The following GRM8 variants were observed in gnomAD, a reference collection of about 807,000 sequenced individuals.
GRM8 encodes the protein glutamate metabotropic receptor 8, also known as metabotropic glutamate receptor 8.
In GRM8, 47 loss-of-function variants were observed where a neutral mutation model predicts 87.2. The observed-to-expected ratio is 0.54, with a 90% CI of 0.43 to 0.69. GRM8 has a LOEUF of 0.69. GRM8 is among the 30% of genes least tolerant of loss of function. The probability of loss-of-function intolerance (pLI) is 0.00; values close to 1 mark genes in which losing one functional copy is unlikely to be tolerated. For synonymous variants in GRM8, 396 were observed against 404.5 expected (o/e 0.98, Z 0.25); for missense variants, 1,019 against 1,139.2 (o/e 0.89, Z 1.52).
At chr7:127,119,364 T>C (rs1383246523) in intron 2 of GRM8, among the ~76,000 whole-genome samples, 9 of 152,046 alleles carry the variant, frequency 5.9e-5, no homozygotes, top group Admixed American at 2.6e-4. Flanking sequence ...TGTGTGACTG[T>C]AGTCCTAGCT....
At position 126,630,416 on chromosome 7, in the gene GRM8, C is replaced by T. The variant is rs553609194; in HGVS notation, c.1358-20918G>A. Among the ~76,000 whole-genome samples the T allele has an allele frequency of 1.6e-3, 236 of 152,098 alleles. 1 individual carries two copies. The highest frequency in any genetic ancestry group is 1.6e-3 in the Non-Finnish European group (106 of 67,940). On this transcript the variant is annotated intron_variant, in intron 7 of 10. Coordinates refer to ENST00000339582, the MANE Select transcript of GRM8 (RefSeq NM_000845.3). The stretch of plus-strand genomic sequence containing the variant: ...CTACCAACCACAAAAAGTCCAGGAC[C>T]AGACATATTAGCAACTGAATTGGTA...
At chr7:127,122,173 CATTGTTGATTA>C (rs1827126863) in intron 2 of GRM8, among the ~76,000 whole-genome samples, 1 of 152,176 alleles carries the variant, frequency 6.6e-6, no homozygotes, top group Non-Finnish European at 1.5e-5. Context: ...AACACATGGA[CATTGTTGATTA>C]ACTGCTTACT....
chr7:126,524,478 G>A (rs927905815), intron 9 of GRM8, among the ~76,000 whole-genome samples: 3 of 151,976 alleles, frequency 2.0e-5, no homozygotes, highest in African/African-American at 7.2e-5. Context: ...AGAATTTTCT[G>A]TCAATTAGTG....
At chr7:126,736,108 T>A (rs1352422824) in intron 7 of GRM8, among the ~76,000 whole-genome samples, 4 of 152,028 alleles carry the variant, frequency 2.6e-5, no homozygotes, top group African/African-American at 4.8e-5. Flanking sequence ...CCTACACCAC[T>A]CTAGTTAGTA....
At chr7:126,648,200 G>A (rs951756354) in intron 7 of GRM8, among the ~76,000 whole-genome samples, 1 of 152,070 alleles carries the variant, frequency 6.6e-6, no homozygotes, top group East Asian at 1.9e-4. Context: ...TATCCTGTCA[G>A]TGTCACCAAA....
At chr7:126,929,604 T>C (rs1476850969) in intron 3 of GRM8, among the ~76,000 whole-genome samples, 1 of 151,988 alleles carries the variant, frequency 6.6e-6, no homozygotes, top group Non-Finnish European at 1.5e-5. Flanking sequence ...TGGCTAATTT[T>C]TATATTTTTA....
At chr7:126,764,627 A>C (rs754241661) in intron 7 of GRM8, among the ~76,000 whole-genome samples, 2 of 152,112 alleles carry the variant, frequency 1.3e-5, no homozygotes, top group Non-Finnish European at 2.9e-5. Context: ...GATAACTTCT[A>C]TCTATGTACT....
At chr7:126,954,223 G>A (rs1563350395) in intron 3 of GRM8, among the ~76,000 whole-genome samples, 1 of 152,156 alleles carries the variant, frequency 6.6e-6, no homozygotes, top group Non-Finnish European at 1.5e-5. Context: ...TTCCTTGGAA[G>A]TCAAGTGAAA....
At chr7:127,219,407 T>C (rs919002554) in intron 2 of GRM8, 8 of 152,176 alleles carry the variant, frequency 5.3e-5, no homozygotes, top group Admixed American at 3.9e-4. Context: ...ACTTTTTCGT[T>C]GTAAATAAAA....
intron 7 of GRM8, among the ~76,000 whole-genome samples, chr7:126,729,499 T>A (rs1813369399): frequency 6.6e-6 from 1 of 152,176 alleles, no homozygotes; most frequent in Non-Finnish European, 1.5e-5. Context: ...ATATGCCGTG[T>A]AATATATTTC....
intron 8 of GRM8, among the ~76,000 whole-genome samples, chr7:126,537,744 T>C (rs917555034): frequency 6.6e-6 from 1 of 151,710 alleles, no homozygotes; most frequent in African/African-American, 2.4e-5. Flanking sequence ...GCCACCGCAC[T>C]CCAGCCTGGG....
At chr7:126,701,942 T>C in intron 7 of GRM8, 2 of 358,194 alleles carry the variant, frequency 5.6e-6, no homozygotes, top group East Asian at 7.4e-5. Context: ...TTATTAATCA[T>C]GCTACCCATT....
intron 8 of GRM8, among the ~76,000 whole-genome samples, chr7:126,572,395 G>A (rs745639189): frequency 6.6e-6 from 1 of 152,182 alleles, no homozygotes; most frequent in Non-Finnish European, 1.5e-5. Context: ...ATATTCCAAT[G>A]CTGATAGATA....
intron 7 of GRM8, among the ~76,000 whole-genome samples, chr7:126,753,678 T>C (rs1283229848): frequency 6.6e-6 from 1 of 151,886 alleles, no homozygotes; most frequent in East Asian, 1.9e-4. Flanking sequence ...TTTATATATA[T>C]ACATACATTA....
At chr7:126,585,349 T>A (rs1007492503) in intron 8 of GRM8, among the ~76,000 whole-genome samples, 5 of 152,182 alleles carry the variant, frequency 3.3e-5, no homozygotes, top group African/African-American at 1.2e-4. Flanking sequence ...AATTTCCAGT[T>A]ATGCTTTTCG....
chr7:127,049,465 T>C (rs1438299229), intron 3 of GRM8, among the ~76,000 whole-genome samples: 1 of 152,150 alleles, frequency 6.6e-6, no homozygotes, highest in African/African-American at 2.4e-5. Context: ...CACATACATA[T>C]GTGTGTGCAA....
intron 2 of GRM8, chr7:127,229,930 C>A (rs1797578304): frequency 6.6e-6 from 1 of 152,132 alleles, no homozygotes; most frequent in African/African-American, 2.4e-5. Context: ...CATTTAATTT[C>A]TTTCTTAGCA....
intron 8 of GRM8, among the ~76,000 whole-genome samples, chr7:126,537,100 A>G (rs1364590352): frequency 2.6e-5 from 4 of 152,196 alleles, no homozygotes; most frequent in East Asian, 3.8e-4. Context: ...GAACCAATGA[A>G]AAAACGTTTT....
At position 126,609,517 on chromosome 7, in the gene GRM8, C is replaced by T; in HGVS notation, c.1358-19G>A. On this transcript the variant is annotated intron_variant, in intron 7 of 10. Transcript: ENST00000339582. ...GCACTGCCTATAAAGATTTAGAAAA[C>T]AATGTTAATAAAGTTTTAGTAAGAT... The T allele has an allele frequency of 6.3e-7, 1 of 1,597,732 alleles. No individual in the cohort carries two copies. The highest frequency in any genetic ancestry group is 8.5e-7 in the Non-Finnish European group (1 of 1,170,284).
Sources: gnomAD v4.1 joint callset for allele counts (sites outside exome capture counted in the v4.1 genomes callset) on GRCh38, gnomAD v4.1.1 for gene constraint, MANE v1.5 for transcripts, NCBI Gene and HGNC (gene_info 2026-07-23, HGNC 2026-07-21) for gene names.